PDE8B: variants seen among roughly 807,000 people sequenced by gnomAD.
PDE8B encodes the protein phosphodiesterase 8B.
Under a neutral mutation model 101.3 loss-of-function variants are expected in PDE8B, and 26 were observed. The observed-to-expected ratio is 0.26, with a 90% CI of 0.19 to 0.36. The LOEUF is 0.36. PDE8B is among the 10% of genes least tolerant of loss of function. PDE8B has a pLI of 1.00. For missense variants in PDE8B, 810 were observed against 1,163.1 expected, an observed-to-expected ratio of 0.70 and a Z score of 4.42; for synonymous variants, 424 against 429.3, an observed-to-expected ratio of 0.99 and a Z score of 0.15.
the PDE8B span, among the ~76,000 whole-genome samples, chr5:77,179,380 G>A: frequency 6.6e-6 from 1 of 152,144 alleles, no homozygotes; most frequent in African/African-American, 2.4e-5. Context: ...CAGCACTGTG[G>A]GCAGCTGAGA....
intron 6 of PDE8B, among the ~76,000 whole-genome samples, chr5:77,342,272 C>T (rs1214841825): frequency 1.3e-5 from 2 of 152,112 alleles, no homozygotes; most frequent in Non-Finnish European, 2.9e-5. Flanking sequence ...CGAGAAATGC[C>T]TCACATAAAC....
chr5:77,169,598 A>T, the PDE8B span, among the ~76,000 whole-genome samples: 99 of 152,264 alleles, frequency 6.5e-4, 2 homozygotes, highest in Middle Eastern at 0.017. Flanking sequence ...ACCCGAGTTG[A>T]AAAGGAGTTT....
intron 10 of PDE8B, among the ~76,000 whole-genome samples, chr5:77,395,914 A>G (rs1461542479): frequency 6.6e-6 from 1 of 152,122 alleles, no homozygotes; most frequent in Non-Finnish European, 1.5e-5. Context: ...CCCCATTCTC[A>G]GGGTAAACAG....
the PDE8B span, among the ~76,000 whole-genome samples, chr5:77,090,097 A>G: frequency 5.3e-5 from 8 of 152,224 alleles, no homozygotes; most frequent in African/African-American, 1.9e-4. Flanking sequence ...AGTTGATCTC[A>G]TGGAGGTAGA....
At chr5:77,411,611 A>T (rs1231528625) in intron 14 of PDE8B, 65 bp from the exon 15 acceptor site, 25 of 718,384 alleles carry the variant, frequency 3.5e-5, no homozygotes, top group African/African-American at 3.1e-4. Context: ...CACTAATAAT[A>T]AAAAAAAAAA....
intron 2 of PDE8B, among the ~76,000 whole-genome samples, chr5:77,320,352 G>T (rs1296771775): frequency 1.3e-5 from 2 of 152,198 alleles, no homozygotes; most frequent in African/African-American, 2.4e-5. Flanking sequence ...ACACAAGTTG[G>T]CTGAGCTCTG....
intron 1 of PDE8B, among the ~76,000 whole-genome samples, chr5:77,229,690 C>A (rs1357040948): frequency 6.6e-6 from 1 of 152,072 alleles, no homozygotes; most frequent in Non-Finnish European, 1.5e-5. Context: ...TGGACTCATA[C>A]AATATGTAGG....
the PDE8B span, among the ~76,000 whole-genome samples, chr5:77,181,745 A>T: frequency 6.6e-6 from 1 of 152,100 alleles, no homozygotes; most frequent in African/African-American, 2.4e-5. Context: ...GCTGGCTCTG[A>T]TAGTTACAAG....
intron 10 of PDE8B, among the ~76,000 whole-genome samples, chr5:77,392,858 G>GA (rs1790228445): frequency 6.6e-6 from 1 of 152,162 alleles, no homozygotes; most frequent in Non-Finnish European, 1.5e-5. Context: ...CTAGTCTTAG[G>GA]AATACCATGA....
chr5:77,303,193 A>T (rs1770369692), intron 1 of PDE8B, among the ~76,000 whole-genome samples: 1 of 152,178 alleles, frequency 6.6e-6, no homozygotes, highest in South Asian at 2.1e-4. Context: ...ATACAAGAAG[A>T]TAGAAAGTTT....
At chr5:77,120,146 C>T in the PDE8B span, among the ~76,000 whole-genome samples, 7 of 152,252 alleles carry the variant, frequency 4.6e-5, no homozygotes, top group Admixed American at 3.9e-4. Flanking sequence ...AATATTAAAG[C>T]ATGCTGGGTG....
At chr5:77,206,737 A>T (rs1164642841), upstream of PDE8B, among the ~76,000 whole-genome samples, 3 of 152,168 alleles carry the variant, frequency 2.0e-5, no homozygotes, top group Non-Finnish European at 2.9e-5. Context: ...CTTTGAAAGG[A>T]CAGATGCTGG....
At chr5:77,291,428 AGGT>A in intron 1 of PDE8B, 1 of 1,611,620 alleles carries the variant, frequency 6.2e-7, no homozygotes, top group Non-Finnish European at 8.5e-7. Context: ...CAATTGTGAC[AGGT>A]CTTGCCCACG....
At chr5:77,352,363 T>C (rs1306553310) in intron 9 of PDE8B, among the ~76,000 whole-genome samples, 1 of 152,246 alleles carries the variant, frequency 6.6e-6, no homozygotes, top group African/African-American at 2.4e-5. Context: ...ACCAGAATCA[T>C]TAGGCAACCA....
At chr5:77,421,612 G>T (rs1391484111) in intron 19 of PDE8B, among the ~76,000 whole-genome samples, 1 of 152,080 alleles carries the variant, frequency 6.6e-6, no homozygotes, top group Non-Finnish European at 1.5e-5. Context: ...GTGTATTGCT[G>T]AGTGTCTTTT....
chr5:77,405,967 A>G (rs1267648322), intron 12 of PDE8B, among the ~76,000 whole-genome samples: 1 of 152,206 alleles, frequency 6.6e-6, no homozygotes, highest in African/African-American at 2.4e-5. Flanking sequence ...GTCCTTCTGT[A>G]CACAGTAGGA....
chr5:77,184,469 C>A, the PDE8B span, among the ~76,000 whole-genome samples: 5 of 152,160 alleles, frequency 3.3e-5, no homozygotes, highest in African/African-American at 9.7e-5. Flanking sequence ...TAAGGGTCTG[C>A]AAATATGTGC....
chr5:77,097,023 T>C, the PDE8B span, among the ~76,000 whole-genome samples: 1,157 of 152,352 alleles, frequency 7.6e-3, 18 homozygotes, highest in African/African-American at 0.026. Flanking sequence ...TTACCCTTCT[T>C]ATTTCATCTT....
chr5:77,359,620 A>G (rs77872135), intron 10 of PDE8B, among the ~76,000 whole-genome samples: 315 of 152,226 alleles, frequency 2.1e-3, no homozygotes, highest in Middle Eastern at 3.4e-3. Flanking sequence ...AGAATGGGAA[A>G]ATCAGAGGGA....
Sources: allele counts gnomAD v4.1 joint callset (sites outside exome capture counted in the v4.1 genomes callset), GRCh38; gene constraint gnomAD v4.1.1; transcripts MANE v1.5; gene names NCBI Gene and HGNC (gene_info 2026-07-23, HGNC 2026-07-21).